The following TBXAS1 variants were observed in gnomAD, a reference collection of about 807,000 sequenced individuals.
The protein encoded by TBXAS1 is thromboxane-A synthase.
Under a neutral mutation model 60.7 loss-of-function variants are expected in TBXAS1, and 48 were observed. The observed-to-expected ratio is 0.79, with a 90% CI of 0.63 to 1.01. TBXAS1 has a LOEUF of 1.01. TBXAS1 is among the 50% of genes least tolerant of loss of function. The pLI, the probability that TBXAS1 is intolerant of heterozygous loss-of-function variation, is 0.00. For missense variants in TBXAS1, 685 were observed against 686.3 expected (o/e 1.00, Z 0.02); for synonymous variants, 287 against 269.7 (o/e 1.06, Z -0.63).
At chr7:139,906,163 C>A (rs1584819707) in intron 3 of TBXAS1, 2 of 339,958 alleles carry the variant, frequency 5.9e-6, no homozygotes, top group Non-Finnish European at 1.2e-5. Flanking sequence ...TCAAGCAATT[C>A]TCCTGCCTCA....
intron 4 of TBXAS1, among the ~76,000 whole-genome samples, chr7:139,929,088 G>A (rs1219703530): frequency 1.3e-5 from 2 of 152,208 alleles, no homozygotes; most frequent in Admixed American, 6.5e-5. Flanking sequence ...GGAATAATGC[G>A]ACATCATCTC....
intron 4 of TBXAS1, chr7:139,787,449 T>G (rs956067046): frequency 1.3e-5 from 2 of 152,228 alleles, no homozygotes; most frequent in African/African-American, 2.4e-5. Context: ...AAAATATCCT[T>G]TAATTTCTTT....
intron 3 of TBXAS1, among the ~76,000 whole-genome samples, chr7:139,888,912 G>C (rs1803333202): frequency 6.9e-6 from 1 of 144,522 alleles, no homozygotes; most frequent in Admixed American, 7.1e-5. Flanking sequence ...AAGGGGTGCA[G>C]GGGGAGGATG....
chr7:139,940,538 G>A (rs1196560837), intron 5 of TBXAS1, among the ~76,000 whole-genome samples: 2 of 152,098 alleles, frequency 1.3e-5, no homozygotes, highest in Non-Finnish European at 2.9e-5. Flanking sequence ...GAAAGCCCCG[G>A]CACAGTGAGT....
intron 3 of TBXAS1, among the ~76,000 whole-genome samples, chr7:139,905,403 T>G (rs1804997823): frequency 6.6e-6 from 1 of 152,230 alleles, no homozygotes; most frequent in African/African-American, 2.4e-5. Context: ...ATTCTGTTTA[T>G]GTGGTGTATC....
intron 10 of TBXAS1, among the ~76,000 whole-genome samples, chr7:140,011,836 C>CTATATATATATATATATATA (rs3831720): frequency 1.3e-5 from 2 of 150,440 alleles, no homozygotes; most frequent in South Asian, 4.2e-4. Context: ...ATTTTATGTT[C>CTATATATATATATATATATA]TATATATATA....
intron 11 of TBXAS1, chr7:140,016,516 T>A: frequency 4.6e-6 from 1 of 215,072 alleles, no homozygotes; most frequent in South Asian, 5.7e-5. Context: ...ATTTCAGGTC[T>A]GCACTGGAAA....
At position 139,946,371 on chromosome 7, in the gene TBXAS1, T is replaced by C. The variant is rs538569003; in HGVS notation, c.451-6997T>C. 3.9e-5 allele frequency among the ~76,000 whole-genome samples: 6 copies of C among 152,298 alleles called. No individual in the cohort carries two copies. The South Asian group carries it at 8.3e-4, about 21-fold the overall frequency. On this transcript the variant is annotated intron_variant, in intron 5 of 12. Coordinates refer to ENST00000448866, the MANE Select transcript of TBXAS1 (RefSeq NM_001061.7). ...AAAGAAAAGAGGCCAGGAAGCTCTT[T>C]CAAAGAACTTTCTTTAGTACACCTG...
At position 139,962,480 on chromosome 7, in the gene TBXAS1, G is replaced by C. The variant is rs59770184; in HGVS notation, c.1134+247G>C. The C allele has an allele frequency of 6.0e-3, 2,714 of 448,998 alleles. 66 individuals carry two copies. The highest frequency in any genetic ancestry group is 0.05 in the African/African-American group (2,511 of 49,988). The allele number at this position is 448,998 out of a possible 1,614,324, so 27.8% of individuals were successfully genotyped here. ...TTCACTGTCTGGGGTAGTCCATGAA[G>C]CCAGGCCTGGCTCGAGGAAGCTGTG... On this transcript the variant is annotated intron_variant, in intron 9 of 12. Coordinates refer to ENST00000448866, the MANE Select transcript of TBXAS1 (RefSeq NM_001061.7).
chr7:139,784,685 A>C (rs1417955897), intron 3 of TBXAS1, among the ~76,000 whole-genome samples: 1 of 152,214 alleles, frequency 6.6e-6, no homozygotes, highest in African/African-American at 2.4e-5. Flanking sequence ...ATTGTATGCC[A>C]AGCTGAAGAA....
intron 4 of TBXAS1, among the ~76,000 whole-genome samples, chr7:139,793,563 C>T (rs1797457855): frequency 6.6e-6 from 1 of 151,988 alleles, no homozygotes; most frequent in South Asian, 2.1e-4. Context: ...ATACTGGGGC[C>T]AAATGAAAGA....
chr7:139,867,601 G>A (rs1801515798), intron 1 of TBXAS1, among the ~76,000 whole-genome samples: 1 of 152,064 alleles, frequency 6.6e-6, no homozygotes. Context: ...CAGGCGGATC[G>A]CCTGAGGTCA....
chr7:139,824,211 G>A (rs941992904), intron 4 of TBXAS1, among the ~76,000 whole-genome samples: 2 of 152,188 alleles, frequency 1.3e-5, no homozygotes, highest in African/African-American at 2.4e-5. Flanking sequence ...AAGTAGGAGT[G>A]GGGGAAAAAG....
At chr7:139,865,680 A>G (rs201478673) in intron 1 of TBXAS1, among the ~76,000 whole-genome samples, 288 of 15,644 alleles carry the variant, frequency 0.018, no homozygotes, top group Non-Finnish European at 0.02. Context: ...AGGAGGAGGA[A>G]GAGGAGGAGG....
rs887698909 is a variant in TBXAS1, at chr7:139,984,438, C to T, written c.1134+22205C>T. The stretch of plus-strand genomic sequence containing the variant: ...GCTCCACCCAGAGCCTCAGCACCTG[C>T]GTTCTGCCCCCTCAGTAACCAGGGT... On this transcript the variant is annotated intron_variant, in intron 9 of 12. Transcript: ENST00000448866. Among the ~76,000 whole-genome samples the T allele has an allele frequency of 4.6e-5, 7 of 151,950 alleles. No individual in the cohort carries two copies. The East Asian group carries it at 5.8e-4, about 13-fold the overall frequency.
intron 5 of TBXAS1, among the ~76,000 whole-genome samples, chr7:139,942,124 A>C (rs1379340506): frequency 6.6e-6 from 1 of 152,256 alleles, no homozygotes; most frequent in South Asian, 2.1e-4. Context: ...TACATTTAGG[A>C]GAAAGGCATC....
intron 4 of TBXAS1, among the ~76,000 whole-genome samples, chr7:139,925,275 T>G (rs561284469): frequency 1.3e-5 from 2 of 152,368 alleles, no homozygotes; most frequent in Admixed American, 6.5e-5. Flanking sequence ...TTCCAATTCA[T>G]GAGTATGGAA....
At chr7:139,994,329 C>T (rs1744127209) in intron 9 of TBXAS1, among the ~76,000 whole-genome samples, 1 of 152,366 alleles carries the variant, frequency 6.6e-6, no homozygotes. Flanking sequence ...AGGCGTGAGC[C>T]ATTGTGCCCA....
chr7:139,909,580 C>T (rs1288891533), intron 3 of TBXAS1, among the ~76,000 whole-genome samples: 1 of 152,098 alleles, frequency 6.6e-6, no homozygotes, highest in Non-Finnish European at 1.5e-5. Context: ...TTGGAAAATA[C>T]GATGACTCAG....
Sources: gnomAD v4.1 joint callset for allele counts (sites outside exome capture counted in the v4.1 genomes callset) on GRCh38, gnomAD v4.1.1 for gene constraint, MANE v1.5 for transcripts, NCBI Gene and HGNC (gene_info 2026-07-23, HGNC 2026-07-21) for gene names.